The following CCDC141 variants were observed in gnomAD, a reference collection of about 807,000 sequenced individuals.
CCDC141 encodes coiled-coil domain-containing protein 141.
A neutral mutation model predicts 181.0 loss-of-function variants in CCDC141; 168 were observed. The observed-to-expected ratio is 0.93, with a 90% CI of 0.82 to 1.05. The LOEUF is 1.05. CCDC141 is among the 50% of genes least tolerant of loss of function. CCDC141 has a pLI of 0.00. For missense variants in CCDC141, 1,902 were observed against 1,788.5 expected (o/e 1.06, Z -1.14); for synonymous variants, 666 against 642.3 (o/e 1.04, Z -0.56).
At chr2:178,982,697 G>A (rs929241295) in intron 2 of CCDC141, among the ~76,000 whole-genome samples, 10 of 152,192 alleles carry the variant, frequency 6.6e-5, no homozygotes, top group African/African-American at 1.9e-4. Context: ...TCAAAGAAAG[G>A]GGTGACAGAC....
At chr2:178,931,581 TTA>T (rs1387748286) in intron 6 of CCDC141, among the ~76,000 whole-genome samples, 6 of 152,104 alleles carry the variant, frequency 3.9e-5, no homozygotes, top group Non-Finnish European at 7.4e-5. Context: ...CCATTAAATA[TTA>T]TTTTATTTAA....
chr2:178,827,673 C>T (rs1365452601), downstream of CCDC141, among the ~76,000 whole-genome samples: 1 of 152,016 alleles, frequency 6.6e-6, no homozygotes, highest in Non-Finnish European at 1.5e-5. Flanking sequence ...CTAGCACACC[C>T]CAGGAGTGCT....
chr2:178,941,622 A>T (rs998297627), intron 6 of CCDC141, among the ~76,000 whole-genome samples: 4 of 152,088 alleles, frequency 2.6e-5, no homozygotes, highest in Non-Finnish European at 5.9e-5. Flanking sequence ...AATAAATAAA[A>T]AAAGAAATCC....
intron 8 of CCDC141, among the ~76,000 whole-genome samples, chr2:178,897,122 C>T (rs1687448450): frequency 1.3e-5 from 2 of 152,044 alleles, no homozygotes; most frequent in African/African-American, 4.8e-5. Context: ...ATCTCCTGCT[C>T]AGTCACTCTA....
At chr2:179,014,055 G>A (rs941872611) in intron 2 of CCDC141, among the ~76,000 whole-genome samples, 1 of 147,140 alleles carries the variant, frequency 6.8e-6, no homozygotes, top group Non-Finnish European at 1.5e-5. Flanking sequence ...CACCAAAACA[G>A]CATGATACTG....
intron 4 of CCDC141, among the ~76,000 whole-genome samples, chr2:178,964,318 C>T (rs1690527337): frequency 6.6e-6 from 1 of 152,148 alleles, no homozygotes; most frequent in Non-Finnish European, 1.5e-5. Flanking sequence ...GCAACAGGGT[C>T]TCCACAGGGT....
At chr2:178,877,937 G>T in intron 12 of CCDC141, 27 bp downstream of exon 12, 1 of 1,581,128 alleles carries the variant, frequency 6.3e-7, no homozygotes, top group Non-Finnish European at 8.7e-7. Flanking sequence ...CCTGCAGAAG[G>T]TGTGATCCAT....
At chr2:179,037,271 C>T (rs1048196341) in intron 2 of CCDC141, among the ~76,000 whole-genome samples, 5 of 152,330 alleles carry the variant, frequency 3.3e-5, no homozygotes, top group African/African-American at 7.2e-5. Flanking sequence ...TAAGTGGAAA[C>T]ATCTTCCCTA....
chr2:178,982,660 A>G (rs1460462339), intron 2 of CCDC141, among the ~76,000 whole-genome samples: 1 of 152,218 alleles, frequency 6.6e-6, no homozygotes, highest in Non-Finnish European at 1.5e-5. Context: ...CGGGAAGCAC[A>G]AGGGGTCAGG....
intron 11 of CCDC141, among the ~76,000 whole-genome samples, chr2:178,879,919 G>C (rs1686519406): frequency 6.8e-6 from 1 of 146,004 alleles, no homozygotes; most frequent in Admixed American, 6.7e-5. Flanking sequence ...TGCACAAGCT[G>C]AATGGTAATA....
chr2:178,916,541 A>T (rs1049168269), intron 7 of CCDC141, among the ~76,000 whole-genome samples: 2 of 151,906 alleles, frequency 1.3e-5, no homozygotes, highest in Non-Finnish European at 2.9e-5. Flanking sequence ...TAGTTATTTT[A>T]CTTAATAACA....
intron 2 of CCDC141, among the ~76,000 whole-genome samples, chr2:179,034,821 T>A (rs1209831268): frequency 6.6e-6 from 1 of 152,236 alleles, no homozygotes; most frequent in African/African-American, 2.4e-5. Flanking sequence ...TCTTCTTAAA[T>A]GTTTACTGGA....
intron 17 of CCDC141, among the ~76,000 whole-genome samples, chr2:178,857,759 G>A (rs1303994944): frequency 6.6e-6 from 1 of 152,140 alleles, no homozygotes; most frequent in Non-Finnish European, 1.5e-5. Context: ...GCTAAGATAA[G>A]AGAAGTCAGA....
rs1466545676 is a variant in CCDC141, at chr2:178,985,342, T to C, written c.226-6667A>G. ...GTGTGTAGAGGGAAATTTATAGCAC[T>C]AAATGCCCACAAGAGAAAGCAGGAA... On this transcript the variant is annotated intron_variant, in intron 2 of 23. Transcript: ENST00000443758. Among the ~76,000 whole-genome samples, 3 of 147,938 alleles carry C rather than the reference T, an allele frequency of 2.0e-5. No homozygotes were observed. The East Asian group carries it at 5.9e-4, about 29-fold the overall frequency.
intron 6 of CCDC141, among the ~76,000 whole-genome samples, chr2:178,938,012 C>T (rs76204913): frequency 8.5e-5 from 13 of 152,068 alleles, no homozygotes; most frequent in African/African-American, 2.9e-4. Flanking sequence ...AAGAAACCAA[C>T]TTCTGGATTC....
intron 6 of CCDC141, among the ~76,000 whole-genome samples, chr2:178,922,087 A>G (rs1688716099): frequency 6.6e-6 from 1 of 152,234 alleles, no homozygotes; most frequent in Non-Finnish European, 1.5e-5. Context: ...ATATGAAGAA[A>G]TGAAATATAG....
At chr2:178,991,877 A>T (rs1484835816) in intron 2 of CCDC141, among the ~76,000 whole-genome samples, 2 of 152,022 alleles carry the variant, frequency 1.3e-5, no homozygotes, top group Non-Finnish European at 2.9e-5. Context: ...CTATAAATGC[A>T]TATAGCAAGT....
At chr2:178,870,399 G>A (rs1686063919) in intron 14 of CCDC141, among the ~76,000 whole-genome samples, 1 of 152,062 alleles carries the variant, frequency 6.6e-6, no homozygotes, top group Admixed American at 6.6e-5. Context: ...TCAAGCATTT[G>A]GGCATTAAAT....
At chr2:178,910,092 A>G (rs779766107) in intron 7 of CCDC141, among the ~76,000 whole-genome samples, 1 of 152,202 alleles carries the variant, frequency 6.6e-6, no homozygotes, top group Admixed American at 6.5e-5. Context: ...TACAAAACCA[A>G]TAAAGACCTT....
Sources: allele counts gnomAD v4.1 joint callset (sites outside exome capture counted in the v4.1 genomes callset), GRCh38; gene constraint gnomAD v4.1.1; transcripts MANE v1.5; gene names NCBI Gene and HGNC (gene_info 2026-07-23, HGNC 2026-07-21).